PHF24: variants seen among roughly 807,000 people sequenced by gnomAD.
The protein encoded by PHF24 is Galpha inhibitory interacting protein.
In PHF24, 25 loss-of-function variants were observed where a neutral mutation model predicts 42.6. That is an observed-to-expected ratio of 0.59 (90% CI 0.43 to 0.82). The LOEUF (loss-of-function observed/expected upper bound fraction) is 0.82, where lower values mean the gene tolerates loss of function less well. Ranked by LOEUF, PHF24 falls within the 40% of genes least tolerant of loss-of-function variation. PHF24 has a pLI of 0.00. For missense variants in PHF24, 470 were observed against 538.1 expected (o/e 0.87, Z 1.25); for synonymous variants, 185 against 204.8 (o/e 0.90, Z 0.83).
At chr9:34,739,460 C>T in the PHF24 span, among the ~76,000 whole-genome samples, 1 of 152,298 alleles carries the variant, frequency 6.6e-6, no homozygotes, top group South Asian at 2.1e-4. Context: ...AAAGGATAGT[C>T]ACTGCATCAT....
the PHF24 span, among the ~76,000 whole-genome samples, chr9:34,752,903 A>T: frequency 1.5e-3 from 224 of 152,318 alleles, 2 homozygotes; most frequent in East Asian, 0.037. Flanking sequence ...AATCAATGTG[A>T]TATATCATAT....
chr9:34,884,918 T>A, the PHF24 span, among the ~76,000 whole-genome samples: 1 of 152,268 alleles, frequency 6.6e-6, no homozygotes, highest in East Asian at 1.9e-4. Context: ...ATTACCATAA[T>A]CAAAATCTGC....
At chr9:34,884,164 A>G in the PHF24 span, among the ~76,000 whole-genome samples, 187 of 152,324 alleles carry the variant, frequency 1.2e-3, 1 homozygote, top group African/African-American at 4.4e-3. Context: ...GAATTGAACA[A>G]TGAAAACACT....
chr9:34,976,406 C>T (rs1054998701), intron 4 of PHF24, 129 bp from the exon 5 acceptor site: 30 of 1,100,796 alleles, frequency 2.7e-5, no homozygotes, highest in Non-Finnish European at 3.8e-5. Flanking sequence ...CCTGGGTGAC[C>T]CTGGCCATGG....
chr9:34,723,886 C>T, the PHF24 span: 41 of 1,551,492 alleles, frequency 2.6e-5, no homozygotes, highest in Non-Finnish European at 3.5e-5. Context: ...GGAGCTTAAG[C>T]TGAGGGTGAT....
chr9:34,898,954 A>G, the PHF24 span, among the ~76,000 whole-genome samples: 2 of 152,336 alleles, frequency 1.3e-5, no homozygotes, highest in East Asian at 3.9e-4. Flanking sequence ...GAGGAATTAG[A>G]GCCAAGGGCT....
the PHF24 span, among the ~76,000 whole-genome samples, chr9:34,860,221 T>C: frequency 2.0e-5 from 3 of 152,200 alleles, no homozygotes; most frequent in Non-Finnish European, 4.4e-5. Context: ...CATTTATTGA[T>C]TGATGTCTAA....
chr9:34,916,295 C>A, the PHF24 span, among the ~76,000 whole-genome samples: 1 of 152,214 alleles, frequency 6.6e-6, no homozygotes. Context: ...TTCTGGTGGA[C>A]CTGTCAACTA....
At chr9:34,808,385 C>G in the PHF24 span, among the ~76,000 whole-genome samples, 62 of 152,046 alleles carry the variant, frequency 4.1e-4, no homozygotes, top group African/African-American at 1.4e-3. Flanking sequence ...TTGCTTGAGC[C>G]CAGGAGTTTG....
the PHF24 span, among the ~76,000 whole-genome samples, chr9:34,809,187 T>C: frequency 1.3e-5 from 2 of 152,032 alleles, no homozygotes; most frequent in Non-Finnish European, 2.9e-5. This position sits in a 1 kb window ranked among gnomAD's most constrained non-coding sequence, Gnocchi z 4.1. Flanking sequence ...GAATTCTTTT[T>C]TACGGTATAG....
chr9:34,917,701 C>A, the PHF24 span: 1 of 787,802 alleles, frequency 1.3e-6, no homozygotes, highest in Middle Eastern at 2.5e-4. Context: ...GCAGGGACAT[C>A]GTGGAGGCTC....
the PHF24 span, among the ~76,000 whole-genome samples, chr9:34,682,363 G>A: frequency 9.2e-5 from 14 of 152,142 alleles, no homozygotes; most frequent in African/African-American, 3.4e-4. Flanking sequence ...CACAGTCTAT[G>A]GAATTTTGTT....
the PHF24 span, among the ~76,000 whole-genome samples, chr9:34,748,847 A>G: frequency 6.6e-6 from 1 of 152,184 alleles, no homozygotes; most frequent in Non-Finnish European, 1.5e-5. Context: ...TGACCTCACC[A>G]AATGAATGAA....
At position 34,977,555 on chromosome 9, in the gene PHF24, T is replaced by C. The variant is rs552529109; in HGVS notation, c.1020T>C (p.His340=). The stretch of plus-strand genomic sequence containing the variant: ...TCCTCATGCCCAGCAGCATCAGCCA[T>C]GTGGGTCCCATCGCAGATAGCAGCC... Residue 340 remains histidine, a synonymous_variant, in exon 7 of 8, where the codon CAT becomes CAC. Transcript: ENST00000242315. 3.6e-5 allele frequency: 58 copies of C among 1,608,154 alleles called. No individual in the cohort carries two copies. In the East Asian group the frequency reaches 1.2e-3, roughly 34 times the overall value.
chr9:34,760,406 T>C, the PHF24 span, among the ~76,000 whole-genome samples: 3,501 of 152,290 alleles, frequency 0.023, 153 homozygotes, highest in African/African-American at 0.08. Context: ...CAGAAAATAC[T>C]AGTGAACATC....
the PHF24 span, among the ~76,000 whole-genome samples, chr9:34,696,314 C>A: frequency 6.6e-6 from 1 of 151,818 alleles, no homozygotes; most frequent in Non-Finnish European, 1.5e-5. Context: ...ATGGCGAAAC[C>A]CTGTCTCTAC....
the PHF24 span, among the ~76,000 whole-genome samples, chr9:34,728,813 A>G: frequency 2.6e-5 from 4 of 151,972 alleles, no homozygotes; most frequent in Non-Finnish European, 5.9e-5. Flanking sequence ...CCACCTTTTT[A>G]CCCCATTTTC....
the PHF24 span, among the ~76,000 whole-genome samples, chr9:34,891,543 G>C: frequency 2.0e-5 from 3 of 152,188 alleles, no homozygotes; most frequent in African/African-American, 4.8e-5. Context: ...ACTGCTCCAG[G>C]GCAGGGATTA....
At chr9:34,907,149 A>G in the PHF24 span, among the ~76,000 whole-genome samples, 33 of 152,110 alleles carry the variant, frequency 2.2e-4, no homozygotes, top group African/African-American at 8.0e-4. Flanking sequence ...TGTTCTGCTG[A>G]TGGTAGCCCC....
Sources: gnomAD v4.1 joint callset for allele counts (sites outside exome capture counted in the v4.1 genomes callset) on GRCh38, gnomAD v4.1.1 for gene constraint, Gnocchi (gnomAD v3.1) non-coding constraint, MANE v1.5 for transcripts, NCBI Gene and HGNC (gene_info 2026-07-23, HGNC 2026-07-21) for gene names.